The following INSC variants were observed in gnomAD, a reference collection of about 807,000 sequenced individuals.
INSC encodes INSC spindle orientation adaptor protein.
In INSC, 67 loss-of-function variants were observed where a neutral mutation model predicts 58.6. The observed-to-expected ratio is 1.14, with a 90% CI of 0.94 to 1.40. The LOEUF is 1.40. INSC is among the 40% of genes most tolerant of loss of function. The probability of loss-of-function intolerance (pLI) is 0.00; values close to 1 mark genes in which losing one functional copy is unlikely to be tolerated. For missense variants in INSC, 714 were observed against 692.0 expected, an observed-to-expected ratio of 1.03 and a Z score of -0.36; for synonymous variants, 262 against 276.1, an observed-to-expected ratio of 0.95 and a Z score of 0.51.
intron 9 of INSC, among the ~76,000 whole-genome samples, chr11:15,230,030 A>AT: frequency 1.4e-5 from 1 of 70,026 alleles, no homozygotes; most frequent in South Asian, 4.2e-4. Context: ...ATATATATAT[A>AT]TATATATATA....
intron 6 of INSC, 34 bp downstream of exon 6, chr11:15,190,848 C>A (rs996615856): frequency 6.9e-7 from 1 of 1,443,522 alleles, no homozygotes; most frequent in Non-Finnish European, 9.8e-7. Context: ...AAATGGCAGG[C>A]CTGGGGAAGT....
chr11:15,254,815 G>C, the INSC span, among the ~76,000 whole-genome samples: 2 of 152,130 alleles, frequency 1.3e-5, no homozygotes, highest in Admixed American at 6.6e-5. Flanking sequence ...GGATGCAGAG[G>C]CCATCTAGGC....
At chr11:15,224,649 G>A (rs1272368232) in intron 8 of INSC, among the ~76,000 whole-genome samples, 2 of 152,218 alleles carry the variant, frequency 1.3e-5, no homozygotes. Context: ...AGGGCCAGAC[G>A]TCAGGTCCAC....
intron 1 of INSC, among the ~76,000 whole-genome samples, chr11:15,141,000 A>T (rs534129835): frequency 7.2e-4 from 109 of 152,288 alleles, no homozygotes; most frequent in Admixed American, 1.6e-3. Flanking sequence ...GGTTATTTTG[A>T]GGACTAAATG....
chr11:15,247,118 A>G lies in INSC; in HGVS notation c.*1078A>G, dbSNP rs1453120040. On this transcript the variant is annotated 3_prime_UTR_variant, in exon 13 of 13. Coordinates refer to ENST00000379556, the MANE Select transcript of INSC (RefSeq NM_001042536.3). ...GGATCCTTTTGAAAATATAAATGCCATCATATTGTGATATAATTTATACAA... is the reference window on the plus strand; with the variant it reads ...GGATCCTTTTGAAAATATAAATGCCGTCATATTGTGATATAATTTATACAA... 1.3e-5 allele frequency: 2 copies of G among 152,076 alleles called. No homozygotes were observed. Among genetic ancestry groups the G allele is most frequent in the Non-Finnish European group, 2.9e-5 (2 of 68,028 alleles). 9.4% of individuals were successfully genotyped at this position (152,076 alleles called of 1,614,324 possible). A position where few individuals can be genotyped will look rare whatever the true frequency, so the allele number is the denominator to read the frequency against.
rs1850565323 is a variant in INSC, at chr11:15,200,924, A to G, written c.794A>G (p.Glu265Gly). Residue 265 changes from glutamate to glycine, a missense_variant, in exon 7 of 13, where the codon GAA becomes GGA. By Grantham distance (98) the Glu-to-Gly change is moderately conservative. Coordinates refer to ENST00000379556, the MANE Select transcript of INSC (RefSeq NM_001042536.3). ...ACGCTGGCCTCCATCTGCTGCGTGG[A>G]AGAGGGTGTCCACCAGCTGGAGAAG... ...LRTLASICCV[E>G]EGVHQLEKVD... The G allele has an allele frequency of 1.4e-5, 23 of 1,611,106 alleles. No homozygotes were observed. The highest frequency in any genetic ancestry group is 1.9e-5 in the Non-Finnish European group (22 of 1,178,934).
intron 1 of INSC, among the ~76,000 whole-genome samples, chr11:15,129,443 G>A (rs1231662218): frequency 6.6e-6 from 1 of 152,140 alleles, no homozygotes; most frequent in Non-Finnish European, 1.5e-5. Flanking sequence ...GGAATTGATT[G>A]GAATTGGACT....
intron 7 of INSC, among the ~76,000 whole-genome samples, chr11:15,218,053 C>T (rs900618099): frequency 2.0e-5 from 3 of 152,158 alleles, no homozygotes; most frequent in Non-Finnish European, 4.4e-5. Context: ...AAGAAACTGG[C>T]AGATGTTCAC....
chr11:15,147,911 G>A (rs572102501), intron 1 of INSC, among the ~76,000 whole-genome samples: 7 of 152,316 alleles, frequency 4.6e-5, no homozygotes, highest in South Asian at 2.1e-4. Flanking sequence ...TGTAATCATG[G>A]AGTAAGACTC....
At chr11:15,150,118 T>C (rs1449569942) in intron 2 of INSC, among the ~76,000 whole-genome samples, 1 of 152,188 alleles carries the variant, frequency 6.6e-6, no homozygotes, top group Non-Finnish European at 1.5e-5. Flanking sequence ...GTATTTCCTT[T>C]AATACGTTCA....
chr11:15,167,395 T>C lies in INSC; in HGVS notation c.57-8346T>C, dbSNP rs562439769. ...TTTGTTCTATGTTTTCTTCTCAGTATGTCTGGTTGCTGCTTGGGGAGAAAG... is the reference window on the plus strand; with the variant it reads ...TTTGTTCTATGTTTTCTTCTCAGTACGTCTGGTTGCTGCTTGGGGAGAAAG... On this transcript the variant is annotated intron_variant, in intron 2 of 12. Transcript: ENST00000379556. Among the ~76,000 whole-genome samples the C allele has an allele frequency of 1.1e-4, 17 of 152,242 alleles. No individual in the cohort carries two copies. The South Asian group carries it at 3.5e-3, about 32-fold the overall frequency.
chr11:15,193,741 A>G (rs1850268249), intron 6 of INSC, among the ~76,000 whole-genome samples: 1 of 152,204 alleles, frequency 6.6e-6, no homozygotes, highest in South Asian at 2.1e-4. Flanking sequence ...GAATAGTGCC[A>G]CAATAAACAT....
chr11:15,119,551 A>C (rs1847817418), intron 1 of INSC, among the ~76,000 whole-genome samples: 1 of 152,170 alleles, frequency 6.6e-6, no homozygotes, highest in Non-Finnish European at 1.5e-5. Context: ...TTGGCTGGGT[A>C]GTTGTGTATA....
At chr11:15,115,961 C>T (rs1285257991) in intron 1 of INSC, among the ~76,000 whole-genome samples, 3 of 152,186 alleles carry the variant, frequency 2.0e-5, no homozygotes, top group Non-Finnish European at 4.4e-5. Context: ...ATACCTCTGA[C>T]AATGGGTCCA....
At chr11:15,182,849 T>A (rs1365184243) in intron 5 of INSC, among the ~76,000 whole-genome samples, 1 of 152,142 alleles carries the variant, frequency 6.6e-6, no homozygotes, top group Non-Finnish European at 1.5e-5. Context: ...CTGAGTTTTT[T>A]ATAGGCCTTC....
intron 2 of INSC, among the ~76,000 whole-genome samples, chr11:15,168,036 C>T (rs956608053): frequency 6.6e-6 from 1 of 152,204 alleles, no homozygotes; most frequent in Non-Finnish European, 1.5e-5. Context: ...CAAGTTGTTG[C>T]TTGGGCAAAT....
the INSC span, among the ~76,000 whole-genome samples, chr11:15,267,413 T>C: frequency 2.0e-5 from 3 of 152,006 alleles, no homozygotes; most frequent in Admixed American, 6.6e-5. Context: ...TCACTCATAC[T>C]CTATTCATTT....
At chr11:15,228,681 A>C (rs1851733810) in intron 9 of INSC, among the ~76,000 whole-genome samples, 1 of 152,190 alleles carries the variant, frequency 6.6e-6, no homozygotes, top group Admixed American at 6.5e-5. Context: ...TCCGGTAATG[A>C]ATCTGCCAAT....
intron 2 of INSC, among the ~76,000 whole-genome samples, chr11:15,158,860 G>GTTTTTTTTTTTTTTTTTTTTTTTTTTTT (rs529518368): frequency 1.8e-5 from 2 of 109,704 alleles, no homozygotes; most frequent in African/African-American, 7.1e-5. Flanking sequence ...ATTGTTGGTG[G>GTTTTTTTTTTTTTTTTTTTTTTTTTTTT]TTTTTTTTTT....
Sources: allele counts gnomAD v4.1 joint callset (sites outside exome capture counted in the v4.1 genomes callset), GRCh38; gene constraint gnomAD v4.1.1; transcripts MANE v1.5; gene names NCBI Gene and HGNC (gene_info 2026-07-23, HGNC 2026-07-21).